CLVS1: variants seen among roughly 807,000 people sequenced by gnomAD.
The protein encoded by CLVS1 is clavesin 1.
In CLVS1, 10 loss-of-function variants were observed where a neutral mutation model predicts 33.1. The observed-to-expected ratio is 0.30, with a 90% CI of 0.19 to 0.51. The LOEUF (loss-of-function observed/expected upper bound fraction) is 0.51. Among genes scored for constraint, CLVS1 ranks in the 20% least tolerant of loss-of-function variants. The pLI, the probability that CLVS1 is intolerant of heterozygous loss-of-function variation, is 0.97. For synonymous variants in CLVS1, 163 were observed against 166.1 expected, an observed-to-expected ratio of 0.98 and a Z score of 0.14; for missense variants, 343 against 433.4, an observed-to-expected ratio of 0.79 and a Z score of 1.85.
At chr8:61,410,423 T>A (rs1815175242) in intron 3 of CLVS1, among the ~76,000 whole-genome samples, 1 of 152,178 alleles carries the variant, frequency 6.6e-6, no homozygotes, top group Non-Finnish European at 1.5e-5. Flanking sequence ...AGTTGTAACA[T>A]CCGGTAGATC....
Position 61,232,038 on chromosome 8 carries a change from T to TG in CLVS1, c.-151-67639_-151-67638insG, listed in dbSNP as rs1563455135. 4.4e-5 allele frequency among the ~76,000 whole-genome samples: 6 copies of TG among 136,320 alleles called. 1 individual carries two copies. The highest frequency in any genetic ancestry group is 2.5e-4 in the South Asian group (1 of 3,984). 89.4% of individuals were successfully genotyped at this position (136,320 alleles called of 152,430 possible). A position where few individuals can be genotyped will look rare whatever the true frequency, so the allele number is the denominator to read the frequency against. ...GAAAGTTGTGGTTTTTTTTTTTTTT[T>TG]TTTTTTTTTTTTGTGAGATGGAGTC... On this transcript the variant is annotated intron_variant, in intron 2 of 2. Coordinates refer to the CLVS1 transcript ENST00000522621.
chr8:61,466,037 G>T (rs189210760), intron 5 of CLVS1, among the ~76,000 whole-genome samples: 1 of 152,232 alleles, frequency 6.6e-6, no homozygotes, highest in Non-Finnish European at 1.5e-5. Context: ...TCTGTTCTTA[G>T]GAGTGTATGT....
At chr8:61,496,701 T>C (rs1804279889) in intron 5 of CLVS1, among the ~76,000 whole-genome samples, 1 of 152,228 alleles carries the variant, frequency 6.6e-6, no homozygotes, top group African/African-American at 2.4e-5. Context: ...ACACTTGTAC[T>C]GATTTGCTTC....
the CLVS1 span, among the ~76,000 whole-genome samples, chr8:61,044,943 C>G: frequency 2.6e-5 from 4 of 152,242 alleles, no homozygotes; most frequent in African/African-American, 9.6e-5. Flanking sequence ...CATGTAAATG[C>G]ACAACAAGAG....
At chr8:61,012,547 G>A in the CLVS1 span, among the ~76,000 whole-genome samples, 1 of 152,232 alleles carries the variant, frequency 6.6e-6, no homozygotes, top group African/African-American at 2.4e-5. Flanking sequence ...ACTTGTGAGT[G>A]TCGTGTTGTA....
At chr8:61,030,769 T>C in the CLVS1 span, among the ~76,000 whole-genome samples, 1 of 152,188 alleles carries the variant, frequency 6.6e-6, no homozygotes, top group Non-Finnish European at 1.5e-5. Context: ...ATGACTTTTT[T>C]ACTACCTAAA....
intron 3 of CLVS1, among the ~76,000 whole-genome samples, chr8:61,397,467 G>T (rs914750225): frequency 6.6e-6 from 1 of 152,042 alleles, no homozygotes; most frequent in Non-Finnish European, 1.5e-5. Flanking sequence ...CTCTCATTCT[G>T]TAGGTTGTCT....
intron 2 of CLVS1, among the ~76,000 whole-genome samples, chr8:61,160,056 G>A (rs911870331): frequency 1.3e-5 from 2 of 152,198 alleles, no homozygotes; most frequent in Non-Finnish European, 2.9e-5. Flanking sequence ...CACTGTAAGT[G>A]GAGCTGAGGG....
At chr8:61,021,705 T>C in the CLVS1 span, among the ~76,000 whole-genome samples, 1 of 152,122 alleles carries the variant, frequency 6.6e-6, no homozygotes, top group East Asian at 1.9e-4. Flanking sequence ...ATTTTTCTAT[T>C]TTATGTTATT....
At chr8:60,991,155 A>G in the CLVS1 span, among the ~76,000 whole-genome samples, 5 of 152,308 alleles carry the variant, frequency 3.3e-5, no homozygotes. Flanking sequence ...AACAATAATA[A>G]TACTACTACA....
In CLVS1 at chr8:61,365,468, A is replaced by T. The variant is rs559400897; in HGVS notation, c.456-11137A>T. Among the ~76,000 whole-genome samples, 4 of 152,184 alleles carry T rather than the reference A, an allele frequency of 2.6e-5. No individual in the cohort carries two copies. The East Asian group carries it at 5.8e-4, about 22-fold the overall frequency. The stretch of plus-strand genomic sequence containing the variant: ...CTTGAACCCTGGGGGCAGAGGTTGC[A>T]GTGAGTTGGGATTGCACCACTGCAC... On this transcript the variant is annotated intron_variant, in intron 2 of 5. Transcript: ENST00000325897.
At chr8:61,177,502 G>A (rs984258320) in intron 2 of CLVS1, among the ~76,000 whole-genome samples, 5 of 152,112 alleles carry the variant, frequency 3.3e-5, no homozygotes, top group Non-Finnish European at 7.4e-5. Flanking sequence ...TGTTAAATGG[G>A]TCCTGCTTCC....
chr8:61,094,101 T>C (rs1448064359), intron 1 of CLVS1, among the ~76,000 whole-genome samples: 8 of 152,210 alleles, frequency 5.3e-5, no homozygotes, highest in Admixed American at 5.2e-4. Flanking sequence ...TTTTCTTCCC[T>C]TTATTCTGAG....
chr8:61,361,528 C>T (rs1258663776), intron 2 of CLVS1, among the ~76,000 whole-genome samples: 1 of 152,190 alleles, frequency 6.6e-6, no homozygotes, highest in South Asian at 2.1e-4. Context: ...CAACTGTCTG[C>T]CTTGGCTGCA....
At chr8:61,441,998 C>A (rs1423036962) in intron 3 of CLVS1, among the ~76,000 whole-genome samples, 1 of 152,082 alleles carries the variant, frequency 6.6e-6, no homozygotes, top group Admixed American at 6.5e-5. Flanking sequence ...AAAAGACCAT[C>A]CTTCTTTTGT....
the CLVS1 span, among the ~76,000 whole-genome samples, chr8:61,028,609 G>T: frequency 6.6e-6 from 1 of 152,150 alleles, no homozygotes; most frequent in East Asian, 1.9e-4. Context: ...CTTCTGGTTG[G>T]GTATGGGAAG....
intron 2 of CLVS1, among the ~76,000 whole-genome samples, chr8:61,265,181 C>A (rs1240519358): frequency 6.6e-6 from 1 of 152,300 alleles, no homozygotes; most frequent in East Asian, 1.9e-4. Context: ...CTATACTGAG[C>A]TACTCTCTGC....
At chr8:61,298,992 C>T (rs1267436375) in intron 1 of CLVS1, among the ~76,000 whole-genome samples, 1 of 152,114 alleles carries the variant, frequency 6.6e-6, no homozygotes, top group Non-Finnish European at 1.5e-5. Context: ...ATGGCAAATG[C>T]AAATAATAAA....
intron 3 of CLVS1, among the ~76,000 whole-genome samples, chr8:61,412,647 C>T (rs1273398148): frequency 6.6e-6 from 1 of 152,214 alleles, no homozygotes; most frequent in Non-Finnish European, 1.5e-5. Context: ...CCTCCTGCTT[C>T]TCTGCCGTTG....
Sources: allele counts gnomAD v4.1 joint callset (sites outside exome capture counted in the v4.1 genomes callset), GRCh38; gene constraint gnomAD v4.1.1; transcripts MANE v1.5; gene names NCBI Gene and HGNC (gene_info 2026-07-23, HGNC 2026-07-21).